The following CWF19L2 variants were observed in gnomAD, a reference collection of about 807,000 sequenced individuals.
The protein encoded by CWF19L2 is CWF19-like protein 2.
In CWF19L2, 98 loss-of-function variants were observed where a neutral mutation model predicts 111.7. That is an observed-to-expected ratio of 0.88 (90% CI 0.75 to 1.04). The LOEUF is 1.04. Among genes scored for constraint, CWF19L2 ranks in the 50% least tolerant of loss-of-function variants. The probability of loss-of-function intolerance (pLI) is 0.00; values close to 1 mark genes in which losing one functional copy is unlikely to be tolerated. For missense variants in CWF19L2, 1,101 were observed against 1,051.4 expected (o/e 1.05, Z -0.65); for synonymous variants, 351 against 342.9 (o/e 1.02, Z -0.26).
At chr11:107,369,683 A>C (rs1468810649) in intron 12 of CWF19L2, among the ~76,000 whole-genome samples, 1 of 138,330 alleles carries the variant, frequency 7.2e-6, no homozygotes, top group Non-Finnish European at 1.6e-5. Context: ...TTTCAAAATT[A>C]CTTTAAGATT....
At chr11:107,423,199 T>C (rs1861325805) in intron 8 of CWF19L2, among the ~76,000 whole-genome samples, 1 of 152,008 alleles carries the variant, frequency 6.6e-6, no homozygotes, top group Non-Finnish European at 1.5e-5. Flanking sequence ...TTCATTGTAT[T>C]GCAAATGTAA....
At chr11:107,329,475 C>T (rs1859811292) in intron 17 of CWF19L2, among the ~76,000 whole-genome samples, 1 of 152,152 alleles carries the variant, frequency 6.6e-6, no homozygotes, top group South Asian at 2.1e-4. Flanking sequence ...CTTATTAGCG[C>T]ATTACCCTGG....
At chr11:107,410,130 T>C (rs1439763673) in intron 10 of CWF19L2, among the ~76,000 whole-genome samples, 1 of 152,132 alleles carries the variant, frequency 6.6e-6, no homozygotes, top group Admixed American at 6.6e-5. Flanking sequence ...AGCTAAGCAA[T>C]GAAAGAATTC....
At chr11:107,375,884 T>TAAAGAAGA (rs776862822) in intron 12 of CWF19L2, among the ~76,000 whole-genome samples, 1 of 32,262 alleles carries the variant, frequency 3.1e-5, no homozygotes, top group Non-Finnish European at 5.9e-5. Context: ...GCAAGACTAA[T>TAAAGAAGA]AAAGAGAGAA....
chr11:107,358,793 T>C (rs1005877308), intron 12 of CWF19L2, among the ~76,000 whole-genome samples: 8 of 152,184 alleles, frequency 5.3e-5, no homozygotes, highest in African/African-American at 1.7e-4. Flanking sequence ...TGTGAGTCTT[T>C]CCAGTAAAAT....
intron 12 of CWF19L2, among the ~76,000 whole-genome samples, chr11:107,380,554 A>G (rs1435269712): frequency 6.6e-6 from 1 of 152,210 alleles, no homozygotes; most frequent in African/African-American, 2.4e-5. Context: ...ACAAAAAACA[A>G]AACAAAATAA....
chr11:107,384,661 T>C (rs1860738743), intron 12 of CWF19L2, among the ~76,000 whole-genome samples: 1 of 152,216 alleles, frequency 6.6e-6, no homozygotes, highest in African/African-American at 2.4e-5. Flanking sequence ...TAAAGTTTTG[T>C]TGGAATATAG....
chr11:107,416,851 G>A (rs1468016043), intron 9 of CWF19L2, among the ~76,000 whole-genome samples: 1 of 152,150 alleles, frequency 6.6e-6, no homozygotes, highest in Non-Finnish European at 1.5e-5. Flanking sequence ...TGTTCTTCTT[G>A]AACACAAGAA....
chr11:107,394,787 T>C lies in CWF19L2; in HGVS notation c.1618-1892A>G, dbSNP rs79655952. 2.1e-3 allele frequency among the ~76,000 whole-genome samples: 320 copies of C among 152,286 alleles called. 2 individuals are homozygous for C. The highest frequency in any genetic ancestry group is 7.0e-3 in the African/African-American group (293 of 41,564). On this transcript the variant is annotated intron_variant, in intron 10 of 17. Transcript: ENST00000282251. ...CAAATGCTGATGATTCCAGGGTTCC[T>C]TGGTTTCCAGCCCTTCAGCCTGAAA...
At chr11:107,430,931 C>G (rs1175556203) in intron 7 of CWF19L2, among the ~76,000 whole-genome samples, 5 of 151,134 alleles carry the variant, frequency 3.3e-5, no homozygotes, top group Non-Finnish European at 7.4e-5. Flanking sequence ...GTTTGCTTAA[C>G]TCTAGTAATT....
intron 6 of CWF19L2, among the ~76,000 whole-genome samples, chr11:107,437,944 G>A (rs1241607682): frequency 3.9e-5 from 6 of 152,068 alleles, no homozygotes; most frequent in Non-Finnish European, 8.8e-5. Flanking sequence ...ATTTCAAAGA[G>A]AACCTTGTAT....
At chr11:107,393,649 T>A (rs1239850212) in intron 10 of CWF19L2, among the ~76,000 whole-genome samples, 1 of 152,164 alleles carries the variant, frequency 6.6e-6, no homozygotes, top group South Asian at 2.1e-4. Context: ...TGTCCACTAA[T>A]GGATGATTGA....
chr11:107,346,896 C>T (rs1441617696), intron 14 of CWF19L2, among the ~76,000 whole-genome samples: 1 of 152,138 alleles, frequency 6.6e-6, no homozygotes, highest in Non-Finnish European at 1.5e-5. Flanking sequence ...GTCTGGCTAG[C>T]CCCAAGAAAA....
At chr11:107,372,920 A>G (rs1860534269) in intron 12 of CWF19L2, among the ~76,000 whole-genome samples, 1 of 124,662 alleles carries the variant, frequency 8.0e-6, no homozygotes, top group African/African-American at 3.5e-5. Flanking sequence ...TGCGCGCACC[A>G]TGCGTGAGCC....
At chr11:107,375,606 G>A (rs1860586835) in intron 12 of CWF19L2, among the ~76,000 whole-genome samples, 1 of 133,150 alleles carries the variant, frequency 7.5e-6, no homozygotes, top group Admixed American at 7.4e-5. Flanking sequence ...AGAATCTCTG[G>A]GACGCATTCA....
intron 8 of CWF19L2, among the ~76,000 whole-genome samples, chr11:107,420,713 T>C (rs1222764264): frequency 6.6e-6 from 1 of 152,088 alleles, no homozygotes; most frequent in South Asian, 2.1e-4. Flanking sequence ...AAATAAGGTA[T>C]AGTAAGACAC....
intron 13 of CWF19L2, among the ~76,000 whole-genome samples, chr11:107,351,498 G>A (rs940628203): frequency 6.6e-6 from 1 of 152,122 alleles, no homozygotes. Flanking sequence ...AGAATTCTAG[G>A]AGATATTTGG....
chr11:107,403,336 A>T lies in CWF19L2; in HGVS notation c.1618-10441T>A, dbSNP rs552731217. 69 of 530,422 alleles carry T rather than the reference A, an allele frequency of 1.3e-4. 1 individual carries two copies. In the South Asian group the frequency reaches 1.6e-3, roughly 12 times the overall value. 32.9% of individuals were successfully genotyped at this position (530,422 alleles called of 1,614,324 possible). A position where few individuals can be genotyped will look rare whatever the true frequency, so the allele number is the denominator to read the frequency against. On this transcript the variant is annotated intron_variant, in intron 10 of 17. Coordinates refer to ENST00000282251, the MANE Select transcript of CWF19L2 (RefSeq NM_152434.3). Reference sequence around the variant, plus strand: ...CATTTACCCTAACAGGTATTTTTTTAAAAAACCAAAAAACTTTTTTTCATT... The same window carrying T: ...CATTTACCCTAACAGGTATTTTTTTTAAAAACCAAAAAACTTTTTTTCATT...
intron 3 of CWF19L2, among the ~76,000 whole-genome samples, chr11:107,452,894 T>C (rs1322606725): frequency 6.6e-6 from 1 of 152,116 alleles, no homozygotes; most frequent in Non-Finnish European, 1.5e-5. Context: ...GCAGGATTGC[T>C]TGAGCCCAGG....
Sources: allele counts gnomAD v4.1 joint callset (sites outside exome capture counted in the v4.1 genomes callset), GRCh38; gene constraint gnomAD v4.1.1; transcripts MANE v1.5; gene names NCBI Gene and HGNC (gene_info 2026-07-23, HGNC 2026-07-21).